Variants in HECW2 observed in about 807,000 individuals in gnomAD.
HECW2 encodes HECT, C2 and WW domain containing E3 ubiquitin protein ligase 2.
HECW2 carries 61 observed loss-of-function variants against 175.2 expected under a neutral mutation model. The observed-to-expected ratio is 0.35, with a 90% CI of 0.28 to 0.43. The LOEUF is 0.43. Ranked by LOEUF, HECW2 falls within the 20% of genes least tolerant of loss-of-function variation. HECW2 has a pLI of 1.00. For missense variants in HECW2, 1,524 were observed against 2,000.5 expected (o/e 0.76, Z 4.54); for synonymous variants, 671 against 731.0 (o/e 0.92, Z 1.32).
chr2:196,252,334 T>C (rs1688890484), intron 19 of HECW2, among the ~76,000 whole-genome samples: 1 of 152,144 alleles, frequency 6.6e-6, no homozygotes. Context: ...CATGCTTCTG[T>C]GGCTTAGCTT....
chr2:196,586,588 G>A (rs1030222865), intron 1 of HECW2: 5 of 152,006 alleles, frequency 3.3e-5, no homozygotes, highest in African/African-American at 4.8e-5. Flanking sequence ...AGGGTATTAC[G>A]TCTTCTCCAT....
At chr2:196,467,951 A>C (rs578154840) in intron 1 of HECW2, among the ~76,000 whole-genome samples, 1 of 152,348 alleles carries the variant, frequency 6.6e-6, no homozygotes, top group Admixed American at 6.5e-5. Flanking sequence ...AACAGTGTCT[A>C]ATAATCATAC....
At chr2:196,524,031 G>A (rs1335250247) in intron 1 of HECW2, among the ~76,000 whole-genome samples, 3 of 150,240 alleles carry the variant, frequency 2.0e-5, no homozygotes, top group African/African-American at 7.4e-5. Flanking sequence ...CTATTGATTG[G>A]AATAGTTTCA....
At chr2:196,367,828 C>G (rs964260563) in intron 2 of HECW2, among the ~76,000 whole-genome samples, 6 of 150,452 alleles carry the variant, frequency 4.0e-5, no homozygotes, top group African/African-American at 1.5e-4. Flanking sequence ...GGATCTCATT[C>G]TTTTTCATGG....
intron 1 of HECW2, among the ~76,000 whole-genome samples, chr2:196,555,172 A>G (rs949339093): frequency 1.3e-5 from 2 of 152,208 alleles, no homozygotes; most frequent in Non-Finnish European, 1.5e-5. Context: ...GCTATAACAA[A>G]TACCATAAAC....
rs943918430 is a variant in HECW2, at chr2:196,197,140, A to G, written c.*4137T>C. 6.6e-6 allele frequency: 1 copy of G among 152,100 alleles called. No homozygotes were observed. Among genetic ancestry groups the G allele is most frequent in the Non-Finnish European group, 1.5e-5 (1 of 68,014 alleles). The allele number at this position is 152,100 out of a possible 1,614,324, so 9.4% of individuals were successfully genotyped here. A position where few individuals can be genotyped will look rare whatever the true frequency, so the allele number is the denominator to read the frequency against. The stretch of plus-strand genomic sequence containing the variant: ...TGAGACTCAGTTTGGAGATTAGACC[A>G]CATTCTTCTTATGCATGTTTTTATT... On this transcript the variant is annotated 3_prime_UTR_variant, in exon 29 of 29. Transcript: ENST00000644978.
chr2:196,313,115 C>T (rs947419183), intron 10 of HECW2, among the ~76,000 whole-genome samples: 1 of 152,068 alleles, frequency 6.6e-6, no homozygotes, highest in African/African-American at 2.4e-5. Context: ...GAAAAACTAC[C>T]ATTTTGGGGG....
At chr2:196,434,474 C>T (rs893535294) in intron 1 of HECW2, among the ~76,000 whole-genome samples, 1 of 152,138 alleles carries the variant, frequency 6.6e-6, no homozygotes, top group African/African-American at 2.4e-5. Flanking sequence ...CTTTTTGGCT[C>T]ACTGAGTCTA....
chr2:196,471,304 A>T (rs944203535), intron 1 of HECW2, among the ~76,000 whole-genome samples: 1 of 152,218 alleles, frequency 6.6e-6, no homozygotes, highest in African/African-American at 2.4e-5. Flanking sequence ...ATTATTAAGA[A>T]ATCAAAATTA....
At chr2:196,312,614 G>A (rs1691541168) in intron 10 of HECW2, among the ~76,000 whole-genome samples, 1 of 152,152 alleles carries the variant, frequency 6.6e-6, no homozygotes, top group African/African-American at 2.4e-5. Flanking sequence ...TTGAAAGGGG[G>A]TACAAAGGGG....
At chr2:196,415,457 G>A (rs1575518720) in intron 2 of HECW2, among the ~76,000 whole-genome samples, 1 of 152,218 alleles carries the variant, frequency 6.6e-6, no homozygotes, top group Non-Finnish European at 1.5e-5. Flanking sequence ...TTTAGACAGA[G>A]GTTGGGATTC....
At chr2:196,519,913 C>T (rs2125430901) in intron 1 of HECW2, among the ~76,000 whole-genome samples, 1 of 152,308 alleles carries the variant, frequency 6.6e-6, no homozygotes, top group Middle Eastern at 3.4e-3. Context: ...AAGTGATCTT[C>T]CCTCCAATCC....
intron 2 of HECW2, among the ~76,000 whole-genome samples, chr2:196,412,294 G>A (rs73988198): frequency 6.6e-6 from 1 of 152,144 alleles, no homozygotes; most frequent in Admixed American, 6.5e-5. Context: ...GCAGGTGACC[G>A]TCTTCATGTC....
At chr2:196,442,790 T>C (rs963367053) in intron 1 of HECW2, among the ~76,000 whole-genome samples, 1 of 152,170 alleles carries the variant, frequency 6.6e-6, no homozygotes, top group Non-Finnish European at 1.5e-5. Context: ...TTTTACCTCT[T>C]GATACTCAAT....
At position 196,319,210 on chromosome 2, in the gene HECW2, A is replaced by C; in HGVS notation, c.1680T>G (p.Ala560=). The C allele has an allele frequency of 1.3e-6, 2 of 1,595,874 alleles. No individual in the cohort carries two copies. ...CACACAGTTCAGCACTGCCCTGGTCAGCACTGGGTTGAGGCTCTGGGCCGC... is the reference window on the plus strand; with the variant it reads ...CACACAGTTCAGCACTGCCCTGGTCCGCACTGGGTTGAGGCTCTGGGCCGC... ...GEGGPEPQPS[A]DQGSAELCGS... The change falls in exon 9 of 29, where the codon GCT becomes GCG. Residue 560 remains alanine, a synonymous_variant. Transcript: ENST00000644978.
At chr2:196,255,923 A>C (rs1329259608) in intron 18 of HECW2, among the ~76,000 whole-genome samples, 1 of 152,118 alleles carries the variant, frequency 6.6e-6, no homozygotes, top group Non-Finnish European at 1.5e-5. Context: ...AATACAAAAA[A>C]TTAGCCGGGC....
intron 24 of HECW2, 40 bp downstream of exon 24, chr2:196,222,171 A>G (rs367629745): frequency 1.3e-6 from 2 of 1,588,710 alleles, no homozygotes; most frequent in African/African-American, 2.7e-5. Context: ...AATAGCCTTC[A>G]GTTACCACAC....
At chr2:196,315,845 A>G (rs922856642) in intron 10 of HECW2, 4 of 152,200 alleles carry the variant, frequency 2.6e-5, no homozygotes, top group African/African-American at 9.6e-5. Flanking sequence ...GGATGTGGCT[A>G]GGAAGACGTG....
intron 1 of HECW2, among the ~76,000 whole-genome samples, chr2:196,440,607 G>A (rs75726697): frequency 9.5e-4 from 145 of 152,200 alleles, no homozygotes; most frequent in African/African-American, 3.3e-3. Flanking sequence ...CAGCTGCTGC[G>A]CATTTTCTAA....
Sources: gnomAD v4.1 joint callset for allele counts (sites outside exome capture counted in the v4.1 genomes callset) on GRCh38, gnomAD v4.1.1 for gene constraint, MANE v1.5 for transcripts, NCBI Gene and HGNC (gene_info 2026-07-23, HGNC 2026-07-21) for gene names.